OXR1: variants seen among roughly 807,000 people sequenced by gnomAD.
The protein encoded by OXR1 is oxidation resistance 1, also known as oxidation resistance protein 1.
A neutral mutation model predicts 104.6 loss-of-function variants in OXR1; 41 were observed. The ratio of observed to expected loss-of-function variants is 0.39; its 90% CI spans 0.31 to 0.51. The LOEUF (loss-of-function observed/expected upper bound fraction) is 0.51, where lower values mean the gene tolerates loss of function less well. Among genes scored for constraint, OXR1 ranks in the 20% least tolerant of loss-of-function variants. The pLI, the probability that OXR1 is intolerant of heterozygous loss-of-function variation, is 0.77. For synonymous variants in OXR1, 348 were observed against 348.4 expected (o/e 1.00, Z 0.01); for missense variants, 955 against 1,031.9 (o/e 0.93, Z 1.02).
At chr8:106,612,997 T>C (rs749504413) in intron 3 of OXR1, among the ~76,000 whole-genome samples, 33 of 152,114 alleles carry the variant, frequency 2.2e-4, no homozygotes, top group Non-Finnish European at 4.0e-4. Flanking sequence ...AGGCAAGCGT[T>C]AGTCAGTGCA....
At chr8:106,352,833 G>C (rs1815791332) in intron 1 of OXR1, among the ~76,000 whole-genome samples, 2 of 152,234 alleles carry the variant, frequency 1.3e-5, no homozygotes, top group South Asian at 4.1e-4. Context: ...TGGGTACAGA[G>C]GACAGAAAAG....
At chr8:106,740,890 GAACA>G (rs1834865686) in intron 14 of OXR1, among the ~76,000 whole-genome samples, 1 of 152,104 alleles carries the variant, frequency 6.6e-6, no homozygotes, top group Admixed American at 6.5e-5. Flanking sequence ...GTGATAGCCA[GAACA>G]AAAGCACAAA....
intron 1 of OXR1, among the ~76,000 whole-genome samples, chr8:106,291,044 A>G (rs1159974155): frequency 1.3e-5 from 2 of 152,190 alleles, no homozygotes; most frequent in Non-Finnish European, 2.9e-5. Flanking sequence ...GAATCAACCT[A>G]GGTGCCCATT....
At chr8:106,525,004 T>C (rs889710250) in intron 3 of OXR1, among the ~76,000 whole-genome samples, 5 of 152,222 alleles carry the variant, frequency 3.3e-5, no homozygotes, top group African/African-American at 4.8e-5. Context: ...TCTGTCTCCA[T>C]ACTGGTTCTC....
intron 7 of OXR1, chr8:106,697,871 C>G: frequency 6.2e-7 from 1 of 1,612,412 alleles, no homozygotes; most frequent in South Asian, 1.1e-5. Context: ...TTCTCGCGTC[C>G]AGGCTGGGAC....
intron 3 of OXR1, among the ~76,000 whole-genome samples, chr8:106,639,510 A>G (rs1360109295): frequency 6.6e-6 from 1 of 152,136 alleles, no homozygotes; most frequent in East Asian, 1.9e-4. Context: ...AATATCACTG[A>G]TATTACCTTT....
chr8:106,425,910 A>G (rs895000445), intron 2 of OXR1, among the ~76,000 whole-genome samples: 4 of 152,204 alleles, frequency 2.6e-5, no homozygotes, highest in African/African-American at 9.6e-5. Context: ...GAGAGAGGAA[A>G]GAGCAAGTGC....
intron 2 of OXR1, among the ~76,000 whole-genome samples, chr8:106,489,507 A>G (rs1008381138): frequency 6.6e-6 from 1 of 152,184 alleles, no homozygotes; most frequent in South Asian, 2.1e-4. Context: ...TGTATCTGAC[A>G]TATATCATAT....
chr8:106,480,994 G>A (rs569681618), intron 2 of OXR1, among the ~76,000 whole-genome samples: 36 of 152,076 alleles, frequency 2.4e-4, no homozygotes, highest in African/African-American at 7.0e-4. Flanking sequence ...TGACTCCTAC[G>A]TAACTATCCC....
At chr8:106,497,813 C>CTT (rs202156869) in intron 2 of OXR1, among the ~76,000 whole-genome samples, 2 of 150,756 alleles carry the variant, frequency 1.3e-5, no homozygotes, top group Non-Finnish European at 3.0e-5. Context: ...TGTGCACACG[C>CTT]GTGTGTGTGT....
chr8:106,484,782 A>G (rs1347101627), intron 2 of OXR1, among the ~76,000 whole-genome samples: 1 of 152,032 alleles, frequency 6.6e-6, no homozygotes, highest in East Asian at 1.9e-4. Flanking sequence ...AACAAAAACA[A>G]AAACAAAAAA....
At chr8:106,454,504 T>G (rs992459860) in intron 2 of OXR1, among the ~76,000 whole-genome samples, 4 of 151,310 alleles carry the variant, frequency 2.6e-5, no homozygotes, top group Admixed American at 2.6e-4. Flanking sequence ...TATATAAAAT[T>G]TAAAAAGTAA....
At position 106,505,602 on chromosome 8, in the gene OXR1, T is replaced by C. The variant is rs202195480; in HGVS notation, c.24-13341T>C. Reference sequence around the variant, plus strand: ...TAGGGAAGGAGGATGAGAGACAACCTACTTAAAATTGTAGGGATGGTCTTT... The same window carrying C: ...TAGGGAAGGAGGATGAGAGACAACCCACTTAAAATTGTAGGGATGGTCTTT... On this transcript the variant is annotated intron_variant, in intron 2 of 16. Coordinates refer to ENST00000517566, the MANE Select transcript of OXR1 (RefSeq NM_001198533.2). Among the ~76,000 whole-genome samples, 12 of 152,274 alleles carry C rather than the reference T, an allele frequency of 7.9e-5. No homozygotes were observed. In the South Asian group the frequency reaches 1.2e-3, roughly 16 times the overall value.
intron 2 of OXR1, among the ~76,000 whole-genome samples, chr8:106,365,025 AC>A (rs1325017680): frequency 6.6e-6 from 1 of 152,214 alleles, no homozygotes; most frequent in Admixed American, 6.6e-5. Context: ...TGCAGGGGGA[AC>A]AATGTGGATA....
rs138436761 is a variant in OXR1, at chr8:106,515,920, A to T, written c.24-3023A>T. 3.9e-5 allele frequency among the ~76,000 whole-genome samples: 6 copies of T among 152,196 alleles called. 1 individual carries two copies. Among genetic ancestry groups the T allele is most frequent in the African/African-American group, 1.4e-4 (6 of 41,546 alleles). The stretch of plus-strand genomic sequence containing the variant: ...ACTGTGAGATACAGCTTTCACCCTA[A>T]TTTCCACAAAGCAGCTCAGAGTGAT... On this transcript the variant is annotated intron_variant, in intron 2 of 16. Transcript: ENST00000517566.
intron 1 of OXR1, among the ~76,000 whole-genome samples, chr8:106,293,805 A>G (rs1215617539): frequency 5.3e-5 from 8 of 152,108 alleles, no homozygotes; most frequent in Non-Finnish European, 4.4e-5. Flanking sequence ...TAGAGGCACT[A>G]ATCCATTCGT....
At chr8:106,563,331 G>A (rs545194437) in intron 3 of OXR1, among the ~76,000 whole-genome samples, 2 of 151,654 alleles carry the variant, frequency 1.3e-5, no homozygotes, top group Non-Finnish European at 2.9e-5. Context: ...AAAAGCAGGG[G>A]TTGCTATCCT....
chr8:106,746,581 G>A (rs1587324682), intron 16 of OXR1, among the ~76,000 whole-genome samples: 1 of 152,122 alleles, frequency 6.6e-6, no homozygotes, highest in African/African-American at 2.4e-5. Context: ...CACAGTTGAG[G>A]ATATATAATG....
At chr8:106,662,526 G>A (rs1173725462) in intron 3 of OXR1, among the ~76,000 whole-genome samples, 1 of 152,106 alleles carries the variant, frequency 6.6e-6, no homozygotes, top group African/African-American at 2.4e-5. Flanking sequence ...CCAAGACATG[G>A]AATAATAATT....
Sources: gnomAD v4.1 joint callset for allele counts (sites outside exome capture counted in the v4.1 genomes callset) on GRCh38, gnomAD v4.1.1 for gene constraint, MANE v1.5 for transcripts, NCBI Gene and HGNC (gene_info 2026-07-23, HGNC 2026-07-21) for gene names.